Variants in ARHGAP12 observed in about 807,000 individuals in gnomAD.
ARHGAP12 encodes Rho GTPase activating protein 12, also known as rho GTPase-activating protein 12.
Under a neutral mutation model 108.6 loss-of-function variants are expected in ARHGAP12, and 64 were observed. The observed-to-expected ratio is 0.59, with a 90% confidence interval of 0.48 to 0.73. The LOEUF is 0.73. Ranked by LOEUF, ARHGAP12 falls within the 30% of genes least tolerant of loss-of-function variation. The probability of loss-of-function intolerance (pLI) is 0.00; values close to 1 mark genes in which losing one functional copy is unlikely to be tolerated. For synonymous variants in ARHGAP12, 312 were observed against 337.2 expected (o/e 0.93, Z 0.82); for missense variants, 940 against 1,005.9 (o/e 0.93, Z 0.89).
intron 7 of ARHGAP12, among the ~76,000 whole-genome samples, chr10:31,841,153 T>A (rs528760249): frequency 1.3e-5 from 2 of 152,022 alleles, no homozygotes; most frequent in Admixed American, 6.6e-5. Flanking sequence ...CAAGAAATAA[T>A]TTTACATGTA....
At chr10:31,824,399 A>C (rs1215280099) in intron 11 of ARHGAP12, among the ~76,000 whole-genome samples, 1 of 152,192 alleles carries the variant, frequency 6.6e-6, no homozygotes, top group Non-Finnish European at 1.5e-5. Context: ...CTGTAATTAA[A>C]AATTCATTGA....
intron 15 of ARHGAP12, among the ~76,000 whole-genome samples, chr10:31,811,614 T>A (rs1592240724): frequency 6.6e-6 from 1 of 151,234 alleles, no homozygotes; most frequent in Non-Finnish European, 1.5e-5. Context: ...TATTGGAGAG[T>A]ACCTAATTTG....
chr10:31,898,240 A>T (rs1231889003), intron 3 of ARHGAP12, among the ~76,000 whole-genome samples: 1 of 152,256 alleles, frequency 6.6e-6, no homozygotes, highest in Non-Finnish European at 1.5e-5. Flanking sequence ...AACGCAACTT[A>T]AAAATGTGCC....
At chr10:31,856,135 T>C (rs916769965) in intron 4 of ARHGAP12, among the ~76,000 whole-genome samples, 3 of 152,142 alleles carry the variant, frequency 2.0e-5, no homozygotes, top group African/African-American at 7.2e-5. Flanking sequence ...GGTATCCCAA[T>C]TGATCATCTT....
At chr10:31,817,920 G>T in intron 12 of ARHGAP12, 34 bp from the exon 13 acceptor site, 1 of 1,540,080 alleles carries the variant, frequency 6.5e-7, no homozygotes, top group South Asian at 1.1e-5. Context: ...AAAGAGTATG[G>T]TCAGTTTGTG....
intron 1 of ARHGAP12, among the ~76,000 whole-genome samples, chr10:31,920,756 T>C (rs1839774088): frequency 6.6e-6 from 1 of 152,016 alleles, no homozygotes; most frequent in South Asian, 2.1e-4. Flanking sequence ...TTAGTGAGAG[T>C]GCTAAATAGC....
intron 11 of ARHGAP12, among the ~76,000 whole-genome samples, chr10:31,821,534 A>G (rs1410209473): frequency 1.3e-5 from 2 of 152,200 alleles, no homozygotes; most frequent in Non-Finnish European, 2.9e-5. Context: ...AAATATTTTC[A>G]AATCAAATTA....
intron 15 of ARHGAP12, among the ~76,000 whole-genome samples, chr10:31,811,468 C>CA (rs746109800): frequency 6.7e-6 from 1 of 149,476 alleles, no homozygotes; most frequent in Non-Finnish European, 1.5e-5. Context: ...CATAAAGTGA[C>CA]AACAGTTTAT....
chr10:31,820,051 C>G (rs973378368), intron 12 of ARHGAP12, among the ~76,000 whole-genome samples: 2 of 152,058 alleles, frequency 1.3e-5, no homozygotes, highest in Admixed American at 1.3e-4. Context: ...CCTGCCCACC[C>G]CCACACACAG....
chr10:31,847,377 C>G (rs1836502292), intron 6 of ARHGAP12, among the ~76,000 whole-genome samples: 1 of 151,992 alleles, frequency 6.6e-6, no homozygotes, highest in Non-Finnish European at 1.5e-5. Context: ...CTTTTATGGC[C>G]CATAGTTCAA....
At chr10:31,850,596 T>A (rs992150716) in intron 6 of ARHGAP12, among the ~76,000 whole-genome samples, 1 of 152,188 alleles carries the variant, frequency 6.6e-6, no homozygotes, top group Non-Finnish European at 1.5e-5. Flanking sequence ...ATAAAATAAA[T>A]TGCTTATCTT....
chr10:31,852,648 T>C, intron 5 of ARHGAP12, 51 bp from the exon 6 acceptor site: 1 of 1,226,642 alleles, frequency 8.2e-7, no homozygotes, highest in Non-Finnish European at 1.2e-6. Flanking sequence ...AAAGTGAGTT[T>C]AAGCTACTAC....
chr10:31,840,111 A>G (rs1836204564), intron 7 of ARHGAP12, among the ~76,000 whole-genome samples: 1 of 152,120 alleles, frequency 6.6e-6, no homozygotes, highest in Admixed American at 6.5e-5. Flanking sequence ...ACCCAGGATT[A>G]GGCAAGGTCA....
intron 3 of ARHGAP12, among the ~76,000 whole-genome samples, chr10:31,862,705 G>GACACAGAC (rs1837165600): frequency 7.5e-6 from 1 of 133,096 alleles, no homozygotes. Flanking sequence ...TGCACACACA[G>GACACAGAC]ACACACACAC....
At position 31,841,059 on chromosome 10, in the gene ARHGAP12, A is replaced by C. The variant is rs1031842654; in HGVS notation, c.1297-1348T>G. Among the ~76,000 whole-genome samples, 457 of 152,260 alleles carry C rather than the reference A, an allele frequency of 3.0e-3. 5 individuals carry two copies. Among genetic ancestry groups the C allele is most frequent in the African/African-American group, 0.01 (417 of 41,574 alleles). On this transcript the variant is annotated intron_variant, in intron 7 of 19. Transcript: ENST00000344936. The stretch of plus-strand genomic sequence containing the variant: ...TAAGTAACTGAATAAAATGATAATT[A>C]TATTTTTCATAGCACATTCAGTCCC...
Position 31,831,734 on chromosome 10 carries a change from C to T in ARHGAP12, c.1448+5G>A. ...TGTAAGAACATTAAAGACTTGTGTA[C>T]TTACCGAACCTTTTTCCCATTTTCA... On this transcript the variant is annotated splice_donor_5th_base_variant and intron_variant, in intron 10 of 19. Transcript: ENST00000344936. 6.4e-7 allele frequency: 1 copy of T among 1,559,628 alleles called. No individual in the cohort carries two copies. Among genetic ancestry groups the T allele is most frequent in the Non-Finnish European group, 8.8e-7 (1 of 1,135,236 alleles).
In ARHGAP12 at chr10:31,839,931, T is replaced by G. The variant is rs146618006; in HGVS notation, c.1297-220A>C. On this transcript the variant is annotated intron_variant, in intron 7 of 19. Transcript: ENST00000344936. ...GCTTTTTATAGCAATTACAGTTAAA[T>G]TTAAATAATGCATATGGAATTACTC... Among the ~76,000 whole-genome samples, 1,385 of 152,228 alleles carry G rather than the reference T, an allele frequency of 9.1e-3. 21 individuals are homozygous for G. Among genetic ancestry groups the G allele is most frequent in the African/African-American group, 0.031 (1,294 of 41,564 alleles).
chr10:31,895,139 A>T (rs373456539), intron 3 of ARHGAP12, among the ~76,000 whole-genome samples: 4 of 152,250 alleles, frequency 2.6e-5, no homozygotes, highest in Admixed American at 6.5e-5. Flanking sequence ...CTAAAACCAT[A>T]AAAACCCTAG....
chr10:31,876,010 G>A (rs1451651879), intron 3 of ARHGAP12, among the ~76,000 whole-genome samples: 1 of 152,090 alleles, frequency 6.6e-6, no homozygotes. Context: ...ATTCCATTGT[G>A]TGTGTCTGTG....
Sources: gnomAD v4.1 joint callset for allele counts (sites outside exome capture counted in the v4.1 genomes callset) on GRCh38, gnomAD v4.1.1 for gene constraint, MANE v1.5 for transcripts, NCBI Gene and HGNC (gene_info 2026-07-23, HGNC 2026-07-21) for gene names.